PCDHGA3: variants seen among roughly 807,000 people sequenced by gnomAD.
The protein encoded by PCDHGA3 is protocadherin gamma-A3.
PCDHGA3 carries 40 observed loss-of-function variants against 58.5 expected under a neutral mutation model. The ratio of observed to expected loss-of-function variants is 0.68; its 90% CI spans 0.53 to 0.89. PCDHGA3 has a LOEUF of 0.89. Ranked by LOEUF, PCDHGA3 falls within the 40% of genes least tolerant of loss-of-function variation. The pLI is 0.00. For synonymous variants in PCDHGA3, 530 were observed against 525.7 expected (o/e 1.01, Z -0.11); for missense variants, 1,223 against 1,195.9 (o/e 1.02, Z -0.33).
rs2099627530 is a variant in PCDHGA3, at chr5:141,486,292, T to C, written c.2425-8515T>C. On this transcript the variant is annotated intron_variant, in intron 1 of 3. Transcript: ENST00000253812. This position sits in a 1 kb window ranked among gnomAD's most constrained non-coding sequence, Gnocchi z 5.0. ...CTGGCACTGTGGTGGCACTTATCAGTGTGCAGGATCCAGACTCAGGGTCAA... is the reference window on the plus strand; with the variant it reads ...CTGGCACTGTGGTGGCACTTATCAGCGTGCAGGATCCAGACTCAGGGTCAA... 5 of 1,613,970 alleles carry C rather than the reference T, an allele frequency of 3.1e-6. No individual in the cohort carries two copies. The highest frequency in any genetic ancestry group is 4.2e-6 in the Non-Finnish European group (5 of 1,179,982).
Position 141,370,267 on chromosome 5 carries a change from C to T in PCDHGA3, c.2424+23810C>T. On this transcript the variant is annotated intron_variant, in intron 1 of 3. Coordinates refer to ENST00000253812, the MANE Select transcript of PCDHGA3 (RefSeq NM_018916.4). ...GCACTCTCTATCAGGCTTCCTGCAG[C>T]GGAGACACCCATTAGAGAACCCAAG... The T allele has an allele frequency of 6.5e-6, 5 of 767,402 alleles. No homozygotes were observed. The East Asian group carries it at 1.1e-4, about 17-fold the overall frequency. 47.5% of individuals were successfully genotyped at this position (767,402 alleles called of 1,614,324 possible). A position where few individuals can be genotyped will look rare whatever the true frequency, so the allele number is the denominator to read the frequency against.
At chr5:141,393,314 C>T (rs2150518180) in intron 1 of PCDHGA3, 1 of 1,613,076 alleles carries the variant, frequency 6.2e-7, no homozygotes, top group Non-Finnish European at 8.5e-7. Flanking sequence ...TGAACTCCCT[C>T]CAGAGCTACC....
rs149553852 is a variant in PCDHGA3 at position 141,415,009 on chromosome 5, C to T, written c.2424+68552C>T. On this transcript the variant is annotated intron_variant, in intron 1 of 3. Coordinates refer to ENST00000253812, the MANE Select transcript of PCDHGA3 (RefSeq NM_018916.4). ...CCAGAACGCCTGGCTGTCCTACCGT[C>T]TGCTCAAGGCCAGCGAGCCGGGACT... 1.9e-3 allele frequency: 3,040 copies of T among 1,613,658 alleles called. 49 individuals are homozygous for T. In the African/African-American group the frequency reaches 0.033, roughly 18 times the overall value.
intron 1 of PCDHGA3, chr5:141,364,540 T>C (rs1380715716): frequency 1.9e-6 from 3 of 1,614,050 alleles, no homozygotes; most frequent in Admixed American, 1.7e-5. Flanking sequence ...TCTCCAGAGG[T>C]AGGACGCAGC....
At chr5:141,351,612 C>A in intron 1 of PCDHGA3, 2 of 1,614,070 alleles carry the variant, frequency 1.2e-6, no homozygotes, top group Non-Finnish European at 1.7e-6. Flanking sequence ...TTCCATCAGG[C>A]CTCCTATGTG....
At chr5:141,375,691 C>T in intron 1 of PCDHGA3, 1 of 1,614,272 alleles carries the variant, frequency 6.2e-7, no homozygotes, top group South Asian at 1.1e-5. Context: ...CAGCCAGCGA[C>T]AGCGGGGACC....
chr5:141,442,894 C>T (rs1173211061), intron 1 of PCDHGA3, among the ~76,000 whole-genome samples: 1 of 152,204 alleles, frequency 6.6e-6, no homozygotes, highest in Non-Finnish European at 1.5e-5. Flanking sequence ...CCCTGCTTAT[C>T]ACTTCTCCTT....
At chr5:141,478,454 A>G (rs766350066) in intron 1 of PCDHGA3, 4 of 1,613,596 alleles carry the variant, frequency 2.5e-6, no homozygotes, top group Non-Finnish European at 3.4e-6. Context: ...TGGTGCAGCC[A>G]GTCCACTGGC....
At chr5:141,497,468 G>A (rs912445126) in intron 2 of PCDHGA3, among the ~76,000 whole-genome samples, 10 of 151,996 alleles carry the variant, frequency 6.6e-5, no homozygotes, top group African/African-American at 2.4e-4. Flanking sequence ...GAGATATGGA[G>A]GAGAAGGTGC....
chr5:141,459,311 T>A (rs1298312167), intron 1 of PCDHGA3, among the ~76,000 whole-genome samples: 1 of 152,250 alleles, frequency 6.6e-6, no homozygotes, highest in Non-Finnish European at 1.5e-5. Flanking sequence ...TATACTATTT[T>A]GTATCCATCT....
chr5:141,362,269 T>C, intron 1 of PCDHGA3: 2 of 1,614,034 alleles, frequency 1.2e-6, no homozygotes, highest in Non-Finnish European at 1.7e-6. Context: ...TCTGGCAATC[T>C]CCCTGCGCCT....
In PCDHGA3 at chr5:141,344,929, G is replaced by C. The variant is rs1446885491; in HGVS notation, c.896G>C (p.Gly299Ala). 1 of 1,613,770 alleles carries C rather than the reference G, an allele frequency of 6.2e-7. No homozygotes were observed. The highest frequency in any genetic ancestry group is 1.1e-5 in the South Asian group (1 of 91,074). Residue 299 changes from glycine (G) to alanine (A), a missense_variant, in exon 1 of 4, where the codon GGA becomes GCA. Physicochemically the swap from Gly to Ala is moderately conservative, Grantham distance 60 (BLOSUM62 0). Transcript: ENST00000253812. ...AEIFHLNSVS[G>A]EVSILKSLDY... The stretch of plus-strand genomic sequence containing the variant: ...ATTTTCCATCTTAACTCAGTGAGTG[G>C]AGAAGTATCAATATTAAAAAGTCTA...
intron 1 of PCDHGA3, chr5:141,371,929 G>A: frequency 6.2e-7 from 1 of 1,613,366 alleles, no homozygotes; most frequent in South Asian, 1.1e-5. Flanking sequence ...GCGCGGAGCG[G>A]GGTGGTGTTC....
At chr5:141,461,185 C>T (rs2154567265) in intron 1 of PCDHGA3, among the ~76,000 whole-genome samples, 1 of 152,134 alleles carries the variant, frequency 6.6e-6, no homozygotes, top group East Asian at 1.9e-4. Context: ...AATGGTAGAT[C>T]TGTTTTTTGC....
intron 1 of PCDHGA3, chr5:141,356,433 C>A: frequency 6.2e-7 from 1 of 1,610,210 alleles, no homozygotes; most frequent in Non-Finnish European, 8.5e-7. Context: ...GAACACTGGA[C>A]AGGGAAGAAG....
intron 2 of PCDHGA3, among the ~76,000 whole-genome samples, chr5:141,504,793 C>A (rs1256626821): frequency 9.9e-5 from 15 of 152,166 alleles, no homozygotes; most frequent in Admixed American, 3.9e-4. Context: ...GGGCCTCCTA[C>A]ATCTCCCCCT....
chr5:141,368,767 T>G (rs1195016367), intron 1 of PCDHGA3, among the ~76,000 whole-genome samples: 1 of 152,172 alleles, frequency 6.6e-6, no homozygotes, highest in East Asian at 1.9e-4. Context: ...ATCTTTAGTT[T>G]TATATGTGTT....
chr5:141,431,709 T>C lies in PCDHGA3; in HGVS notation c.2425-63098T>C. On this transcript the variant is annotated intron_variant, in intron 1 of 3. Coordinates refer to ENST00000253812, the MANE Select transcript of PCDHGA3 (RefSeq NM_018916.4). This position sits in a 1 kb window ranked among gnomAD's most constrained non-coding sequence, Gnocchi z 4.8. ...CACGAGGAGTCAGGATTCTACCAGA[T>C]GGAAGTGCAAGCAATGGATAATGCA... The C allele has an allele frequency of 6.2e-7, 1 of 1,614,168 alleles. No individual in the cohort carries two copies. Among genetic ancestry groups the C allele is most frequent in the Non-Finnish European group, 8.5e-7 (1 of 1,180,018 alleles).
intron 1 of PCDHGA3, among the ~76,000 whole-genome samples, chr5:141,401,837 A>G (rs1302723544): frequency 6.6e-6 from 1 of 152,198 alleles, no homozygotes; most frequent in Non-Finnish European, 1.5e-5. Context: ...ATTTCTTATA[A>G]TACCACTTAC....
Sources: gnomAD v4.1 joint callset for allele counts (sites outside exome capture counted in the v4.1 genomes callset) on GRCh38, gnomAD v4.1.1 for gene constraint, Gnocchi (gnomAD v3.1) non-coding constraint, MANE v1.5 for transcripts, NCBI Gene and HGNC (gene_info 2026-07-23, HGNC 2026-07-21) for gene names.